The following AGMO variants were observed in gnomAD, a reference collection of about 807,000 sequenced individuals.
AGMO encodes the protein glyceryl-ether monooxygenase.
A neutral mutation model predicts 60.2 loss-of-function variants in AGMO; 75 were observed. The ratio of observed to expected loss-of-function variants is 1.25; its 90% CI spans 1.03 to 1.51. The LOEUF (loss-of-function observed/expected upper bound fraction) is 1.51, where lower values mean the gene tolerates loss of function less well. AGMO is among the 40% of genes most tolerant of loss of function. AGMO has a pLI of 0.00. For missense variants in AGMO, 763 were observed against 525.5 expected (o/e 1.45, Z -4.42); for synonymous variants, 261 against 177.1 (o/e 1.47, Z -3.76).
Position 15,256,188 on chromosome 7 carries a change from AG to A in AGMO, c.1264-54830del, listed in dbSNP as rs1344166737. 2.0e-5 allele frequency among the ~76,000 whole-genome samples: 3 copies of A among 152,358 alleles called. No homozygotes were observed. The East Asian group carries it at 5.8e-4, about 29-fold the overall frequency. ...TCCAAGGAAACGAGAGTGTTCAGGTAGGAAAAAGGACTGAATCACTGGAGGT... is the reference window on the plus strand; with the variant it reads ...TCCAAGGAAACGAGAGTGTTCAGGTAGAAAAAGGACTGAATCACTGGAGGT... On this transcript the variant is annotated intron_variant, in intron 12 of 12. Transcript: ENST00000342526.
At chr7:15,257,624 T>A (rs1426642898) in intron 12 of AGMO, among the ~76,000 whole-genome samples, 1 of 152,142 alleles carries the variant, frequency 6.6e-6, no homozygotes, top group Non-Finnish European at 1.5e-5. Flanking sequence ...TCACAAAAAA[T>A]CCAGTGTAAC....
intron 3 of AGMO, among the ~76,000 whole-genome samples, chr7:15,533,496 CA>C (rs1784417082): frequency 6.6e-6 from 1 of 151,980 alleles, no homozygotes; most frequent in South Asian, 2.1e-4. Context: ...TCACTGCCTC[CA>C]CTCAAATATC....
the AGMO span, among the ~76,000 whole-genome samples, chr7:15,119,243 C>T: frequency 5.1e-4 from 78 of 151,908 alleles, no homozygotes; most frequent in African/African-American, 1.8e-3. Context: ...TGAAGTGCCT[C>T]ACTTCCCATT....
intron 12 of AGMO, among the ~76,000 whole-genome samples, chr7:15,236,249 T>C (rs1782416028): frequency 6.6e-6 from 1 of 152,108 alleles, no homozygotes; most frequent in Non-Finnish European, 1.5e-5. Flanking sequence ...ATACTCTGTC[T>C]AGAAATAATT....
chr7:15,335,148 G>A (rs923701186), intron 12 of AGMO, among the ~76,000 whole-genome samples: 3 of 152,102 alleles, frequency 2.0e-5, no homozygotes, highest in South Asian at 2.1e-4. Flanking sequence ...AACTGGTTTC[G>A]TGTAAAATAA....
At chr7:15,460,887 A>G (rs1782125232) in intron 3 of AGMO, among the ~76,000 whole-genome samples, 3 of 152,218 alleles carry the variant, frequency 2.0e-5, no homozygotes, top group Admixed American at 2.0e-4. Context: ...ATTTATTATT[A>G]ATGAAATAAT....
intron 12 of AGMO, among the ~76,000 whole-genome samples, chr7:15,317,854 T>TAC (rs1270090483): frequency 1.0e-4 from 15 of 148,656 alleles, no homozygotes; most frequent in African/African-American, 1.5e-4. Context: ...TATATATATA[T>TAC]ACACACACAC....
At chr7:15,135,917 T>C in the AGMO span, among the ~76,000 whole-genome samples, 13 of 151,614 alleles carry the variant, frequency 8.6e-5, no homozygotes, top group African/African-American at 3.1e-4. Flanking sequence ...ATTTTGTATT[T>C]TTTAGTCATG....
At chr7:15,264,015 A>T (rs914598454) in intron 12 of AGMO, among the ~76,000 whole-genome samples, 6 of 152,054 alleles carry the variant, frequency 3.9e-5, no homozygotes, top group African/African-American at 9.7e-5. Context: ...CCATTAAAGA[A>T]TTTATTCATG....
At chr7:15,156,834 C>T in the AGMO span, among the ~76,000 whole-genome samples, 2 of 152,280 alleles carry the variant, frequency 1.3e-5, no homozygotes, top group South Asian at 2.1e-4. Context: ...AAAAGCTCTT[C>T]TTAGCTCCAT....
chr7:15,396,334 T>C (rs1210442582), intron 5 of AGMO: 1 of 152,302 alleles, frequency 6.6e-6, no homozygotes, highest in Non-Finnish European at 1.5e-5. Flanking sequence ...CTGGTCTCGC[T>C]GGCTTCAGGA....
the AGMO span, among the ~76,000 whole-genome samples, chr7:15,178,032 C>T: frequency 3.3e-5 from 5 of 152,094 alleles, no homozygotes; most frequent in African/African-American, 7.2e-5. Context: ...ATGTACTCCA[C>T]TCTTCTTACC....
intron 10 of AGMO, 74 bp from the exon 11 acceptor site, chr7:15,366,296 C>T: frequency 1.9e-6 from 2 of 1,058,058 alleles, no homozygotes; most frequent in Non-Finnish European, 1.4e-6. Flanking sequence ...TTAAAGCTTA[C>T]AAAACAGCCC....
At chr7:15,276,366 C>T (rs1783787809) in intron 12 of AGMO, among the ~76,000 whole-genome samples, 1 of 152,004 alleles carries the variant, frequency 6.6e-6, no homozygotes, top group South Asian at 2.1e-4. Context: ...GGCTCCCAAG[C>T]TCTTCTGGCT....
intron 3 of AGMO, among the ~76,000 whole-genome samples, chr7:15,517,609 C>T (rs1233123952): frequency 1.3e-5 from 2 of 151,732 alleles, no homozygotes; most frequent in African/African-American, 2.4e-5. Flanking sequence ...AGGGACTGTG[C>T]CTTGAGAAAA....
chr7:15,203,641 C>T (rs1220617984), intron 12 of AGMO, among the ~76,000 whole-genome samples: 3 of 152,054 alleles, frequency 2.0e-5, no homozygotes, highest in Non-Finnish European at 1.5e-5. Context: ...TAGGCCAGCA[C>T]TGTCCCACAT....
At chr7:15,391,941 T>C (rs1249790797) in intron 6 of AGMO, among the ~76,000 whole-genome samples, 1 of 152,148 alleles carries the variant, frequency 6.6e-6, no homozygotes, top group Non-Finnish European at 1.5e-5. Flanking sequence ...AAAATGTCAA[T>C]AGTGCCGACG....
downstream of AGMO, among the ~76,000 whole-genome samples, chr7:15,195,339 A>G (rs73054505): frequency 5.8e-3 from 879 of 152,182 alleles, 4 homozygotes; most frequent in Admixed American, 0.012. Flanking sequence ...TTGCAGGGAG[A>G]GATGGGTGCC....
chr7:15,559,406 G>C (rs1475582114), intron 2 of AGMO, among the ~76,000 whole-genome samples: 1 of 151,984 alleles, frequency 6.6e-6, no homozygotes, highest in Non-Finnish European at 1.5e-5. Flanking sequence ...CCTAACATAA[G>C]GTTGGAAAAC....
Sources: allele counts gnomAD v4.1 joint callset (sites outside exome capture counted in the v4.1 genomes callset), GRCh38; gene constraint gnomAD v4.1.1; transcripts MANE v1.5; gene names NCBI Gene and HGNC (gene_info 2026-07-23, HGNC 2026-07-21).